FBXO25: variants seen among roughly 807,000 people sequenced by gnomAD.
FBXO25 encodes the protein F-box only protein 25.
FBXO25 carries 45 observed loss-of-function variants against 51.9 expected under a neutral mutation model. The observed-to-expected ratio is 0.87, with a 90% CI of 0.68 to 1.11. The LOEUF (loss-of-function observed/expected upper bound fraction) is 1.11. Among genes scored for constraint, FBXO25 ranks in the 50% most tolerant of loss-of-function variants. FBXO25 has a pLI of 0.00. For missense variants in FBXO25, 507 were observed against 428.5 expected (o/e 1.18, Z -1.62); for synonymous variants, 199 against 151.0 (o/e 1.32, Z -2.33).
intron 4 of FBXO25, among the ~76,000 whole-genome samples, chr8:433,916 ATTAT>A (rs1326388089): frequency 6.6e-6 from 1 of 152,202 alleles, no homozygotes; most frequent in African/African-American, 2.4e-5. Flanking sequence ...CCATTAGACG[ATTAT>A]TTGACAGAAT....
At chr8:407,457 G>C in intron 1 of FBXO25, 1 of 982,958 alleles carries the variant, frequency 1.0e-6, no homozygotes, top group South Asian at 4.7e-5. Flanking sequence ...GGTTCATTCA[G>C]GGAGCTGCGG....
intron 4 of FBXO25, among the ~76,000 whole-genome samples, chr8:433,549 C>T (rs1392225671): frequency 6.6e-6 from 1 of 152,108 alleles, no homozygotes; most frequent in African/African-American, 2.4e-5. Context: ...TCTTTCCCTG[C>T]CTTTCTTTTG....
chr8:410,288 T>C (rs1277174353), intron 1 of FBXO25, among the ~76,000 whole-genome samples: 2 of 152,220 alleles, frequency 1.3e-5, no homozygotes, highest in East Asian at 3.8e-4. Context: ...CTATTGTTCT[T>C]TTTTAGTTCC....
At chr8:461,787 C>T (rs1346507133) in intron 8 of FBXO25, among the ~76,000 whole-genome samples, 1 of 152,142 alleles carries the variant, frequency 6.6e-6, no homozygotes, top group Non-Finnish European at 1.5e-5. Flanking sequence ...GGCTTCTTAC[C>T]CTTTGCATGA....
At chr8:468,548 C>T (rs760789439) in intron 9 of FBXO25, among the ~76,000 whole-genome samples, 167 bp from the exon 10 acceptor site, 7 of 152,012 alleles carry the variant, frequency 4.6e-5, no homozygotes, top group African/African-American at 1.7e-4. Context: ...GTAGAATCGG[C>T]TGCGGCTGCC....
At chr8:450,202 T>A (rs1585073440) in intron 6 of FBXO25, 119 bp downstream of exon 6, 1 of 456,932 alleles carries the variant, frequency 2.2e-6, no homozygotes. Context: ...ATTGTGTAAA[T>A]AATGTGATAA....
chr8:462,509 A>G (rs980344022), intron 8 of FBXO25, among the ~76,000 whole-genome samples: 3 of 152,210 alleles, frequency 2.0e-5, no homozygotes, highest in African/African-American at 7.2e-5. Context: ...GCATAACACA[A>G]TTTATTTGAT....
At chr8:419,486 C>G (rs749848467) in intron 2 of FBXO25, among the ~76,000 whole-genome samples, 5 of 152,140 alleles carry the variant, frequency 3.3e-5, no homozygotes, top group Non-Finnish European at 5.9e-5. Context: ...ACAGAGGACC[C>G]CAGATAAGTC....
chr8:435,674 T>G lies in FBXO25; in HGVS notation c.348T>G (p.Ile116Met). ...AFNRLDFSSA[I>M]QDIRRFNYVV... ...ATCGGTTAGACTTCTCAAGTGCAAT[T>G]CAAGATATCCGAAGGTTCAATTATG... is the stretch of plus-strand genomic sequence containing the variant. The change falls in exon 5 of 10, where the codon ATT becomes ATG. Residue 116 changes from isoleucine (I) to methionine (M), a missense_variant. Transcript: ENST00000350302. 1 of 1,600,730 alleles carries G rather than the reference T, an allele frequency of 6.2e-7. No individual in the cohort carries two copies. The highest frequency in any genetic ancestry group is 2.2e-5 in the East Asian group (1 of 44,798).
At chr8:460,601 C>G (rs920427434) in intron 8 of FBXO25, among the ~76,000 whole-genome samples, 3 of 152,184 alleles carry the variant, frequency 2.0e-5, no homozygotes, top group Admixed American at 1.3e-4. Flanking sequence ...ACTGGAGCAT[C>G]TGGTGGGATG....
At chr8:451,699 A>G (rs1044885268) in intron 7 of FBXO25, among the ~76,000 whole-genome samples, 5 of 152,196 alleles carry the variant, frequency 3.3e-5, no homozygotes, top group Non-Finnish European at 7.3e-5. Context: ...TTAGATGTAA[A>G]TAAATTTACC....
rs1796600979 is a variant in FBXO25 at position 413,351 on chromosome 8, T to G, written c.134+138T>G. On this transcript the variant is annotated intron_variant, in intron 2 of 9. Coordinates refer to ENST00000350302, the MANE Select transcript of FBXO25 (RefSeq NM_183420.2). ...GGCTGGTGTGAAGAGACAAGTTGTT[T>G]AGCTAAAAAATGAGGCTAGTAGATT... The G allele has an allele frequency of 3.7e-6, 5 of 1,338,066 alleles. 1 individual carries two copies. In the South Asian group the frequency reaches 1.0e-4, roughly 28 times the overall value. 82.9% of individuals were successfully genotyped at this position (1,338,066 alleles called of 1,614,324 possible). A position where few individuals can be genotyped will look rare whatever the true frequency, so the allele number is the denominator to read the frequency against.
At chr8:407,499 G>C (rs1462924584) in intron 1 of FBXO25, 6 of 938,640 alleles carry the variant, frequency 6.4e-6, no homozygotes, top group Non-Finnish European at 7.6e-6. Context: ...GCCGCCCACA[G>C]GTGCACCGCG....
chr8:451,409 A>G lies in FBXO25; in HGVS notation c.616A>G (p.Ile206Val), dbSNP rs374460400. ...TATTTGGATTTGCCGATTAGAAACT[A>G]TTCTCGCCTGGCAACAACAGCTACA... ...INIWICRLETILAWQQQLQDL... is the reference protein window; with the variant it reads ...INIWICRLETVLAWQQQLQDL... The change falls in exon 7 of 10, where the codon ATT (isoleucine) becomes GTT (valine). Residue 206 changes from isoleucine (I) to valine (V), a missense_variant. Physicochemically the swap from Ile to Val is conservative, Grantham distance 29. Transcript: ENST00000350302. 5.6e-6 allele frequency: 9 copies of G among 1,613,870 alleles called. No homozygotes were observed. Among genetic ancestry groups the G allele is most frequent in the African/African-American group, 2.7e-5 (2 of 74,928 alleles).
At chr8:455,459 G>A (rs1003296009) in intron 7 of FBXO25, among the ~76,000 whole-genome samples, 68 of 152,328 alleles carry the variant, frequency 4.5e-4, no homozygotes, top group African/African-American at 1.6e-3. Flanking sequence ...CACATATTGA[G>A]GGGATGGGCC....
chr8:422,976 C>G (rs1797244549), intron 2 of FBXO25, among the ~76,000 whole-genome samples: 14 of 148,030 alleles, frequency 9.5e-5, no homozygotes, highest in Admixed American at 9.4e-4. Context: ...GAGAAGAGAA[C>G]TTATGCTCCA....
intron 9 of FBXO25, chr8:468,107 C>G (rs1368024764): frequency 1.9e-6 from 2 of 1,067,900 alleles, no homozygotes; most frequent in Non-Finnish European, 1.1e-6. Flanking sequence ...TCCTAAGAGT[C>G]TGCCAGTCTT....
chr8:457,509 A>C (rs1217022187), intron 7 of FBXO25, among the ~76,000 whole-genome samples: 2 of 152,186 alleles, frequency 1.3e-5, no homozygotes, highest in African/African-American at 4.8e-5. Context: ...TGGTTTGTAA[A>C]CTTGAAGTCA....
chr8:435,470 C>G, intron 4 of FBXO25, 145 bp from the exon 5 acceptor site: 1 of 994,674 alleles, frequency 1.0e-6, no homozygotes, highest in Non-Finnish European at 1.5e-6. Flanking sequence ...TTTTACTATA[C>G]TCTCATCTAA....
Sources: gnomAD v4.1 joint callset for allele counts (sites outside exome capture counted in the v4.1 genomes callset) on GRCh38, gnomAD v4.1.1 for gene constraint, MANE v1.5 for transcripts, NCBI Gene and HGNC (gene_info 2026-07-23, HGNC 2026-07-21) for gene names.